The following FYN variants were observed in gnomAD, a reference collection of about 807,000 sequenced individuals.
FYN encodes the protein FYN proto-oncogene, Src family tyrosine kinase, also known as tyrosine-protein kinase Fyn.
FYN carries 10 observed loss-of-function variants against 70.2 expected under a neutral mutation model. That is an observed-to-expected ratio of 0.14 (90% CI 0.09 to 0.24). The LOEUF is 0.24. Ranked by LOEUF, FYN falls within the 10% of genes least tolerant of loss-of-function variation. The probability of loss-of-function intolerance (pLI) is 1.00; values close to 1 mark genes in which losing one functional copy is unlikely to be tolerated. For synonymous variants in FYN, 236 were observed against 248.6 expected (o/e 0.95, Z 0.48); for missense variants, 319 against 673.1 (o/e 0.47, Z 5.82).
intron 13 of FYN, among the ~76,000 whole-genome samples, chr6:111,673,619 A>ACTGTTTTTTTTTTTTTTTTTT (rs1301768351): frequency 6.2e-5 from 4 of 65,010 alleles, no homozygotes; most frequent in Admixed American, 2.1e-4. Flanking sequence ...CGTTTCTATC[A>ACTGTTTTTTTTTTTTTTTTTT]TTGTTTTTTT....
chr6:111,749,252 C>A lies in FYN; in HGVS notation c.-11-29190G>T, dbSNP rs141575519. ...TCAATATTCATAGCCCCAAATATTG[C>A]CTGCTGATCTCTCACATGTGACATG... On this transcript the variant is annotated intron_variant, in intron 3 of 13. Coordinates refer to ENST00000354650, the MANE Select transcript of FYN (RefSeq NM_002037.5). Among the ~76,000 whole-genome samples, 278 of 152,234 alleles carry A rather than the reference C, an allele frequency of 1.8e-3. 2 individuals are homozygous for A. Among genetic ancestry groups the A allele is most frequent in the African/African-American group, 6.3e-3 (262 of 41,540 alleles).
At chr6:111,770,868 CTGCCCA>C (rs1803423115) in intron 3 of FYN, among the ~76,000 whole-genome samples, 1 of 152,128 alleles carries the variant, frequency 6.6e-6, no homozygotes, top group African/African-American at 2.4e-5. Context: ...TGGCATCCAG[CTGCCCA>C]TGACCCAAAT....
intron 1 of FYN, among the ~76,000 whole-genome samples, chr6:111,861,007 G>A (rs1773947336): frequency 1.3e-5 from 2 of 152,092 alleles, no homozygotes; most frequent in South Asian, 4.1e-4. Context: ...AACATAAGGG[G>A]GAATCTAAAA....
At chr6:111,682,161 T>C (rs867015705) in intron 12 of FYN, among the ~76,000 whole-genome samples, 23 of 152,248 alleles carry the variant, frequency 1.5e-4, no homozygotes, top group Admixed American at 6.5e-5. Context: ...ACGGTCAAAG[T>C]AATTCTCTTC....
At chr6:111,872,717 C>T (rs897275089) in intron 1 of FYN, among the ~76,000 whole-genome samples, 1 of 151,952 alleles carries the variant, frequency 6.6e-6, no homozygotes, top group East Asian at 2.0e-4. Context: ...CCGGCGCCCG[C>T]TTGCGGGCGA....
intron 12 of FYN, among the ~76,000 whole-genome samples, chr6:111,685,716 T>C (rs1798976627): frequency 6.6e-6 from 1 of 152,240 alleles, no homozygotes; most frequent in African/African-American, 2.4e-5. Context: ...GGTGACCATC[T>C]GCTTCCTTCT....
At chr6:111,736,028 A>T (rs1801694067) in intron 3 of FYN, among the ~76,000 whole-genome samples, 1 of 152,200 alleles carries the variant, frequency 6.6e-6, no homozygotes, top group African/African-American at 2.4e-5. Flanking sequence ...GACAGGTAAC[A>T]CCACAGATAG....
At chr6:111,757,918 A>G (rs567841260) in intron 3 of FYN, among the ~76,000 whole-genome samples, 1 of 152,272 alleles carries the variant, frequency 6.6e-6, no homozygotes, top group South Asian at 2.1e-4. Flanking sequence ...GGCACATACG[A>G]TTTCTTTTTT....
chr6:111,676,306 C>A (rs1417426227), intron 12 of FYN: 1 of 152,192 alleles, frequency 6.6e-6, no homozygotes, highest in Non-Finnish European at 1.5e-5. Context: ...CATTATGAGG[C>A]ATCTCACATT....
chr6:111,841,379 G>C (rs1246308692), intron 2 of FYN, among the ~76,000 whole-genome samples: 4 of 152,218 alleles, frequency 2.6e-5, no homozygotes, highest in Non-Finnish European at 5.9e-5. Flanking sequence ...AAAAATACCA[G>C]TTAAATTACA....
intron 2 of FYN, among the ~76,000 whole-genome samples, chr6:111,836,753 T>C (rs942917318): frequency 2.6e-5 from 4 of 152,134 alleles, no homozygotes; most frequent in African/African-American, 4.8e-5. Flanking sequence ...CAAAGTGAGA[T>C]TGTGTCTCAA....
At chr6:111,817,087 T>G (rs1772512282) in intron 2 of FYN, among the ~76,000 whole-genome samples, 2 of 131,550 alleles carry the variant, frequency 1.5e-5, no homozygotes, top group African/African-American at 8.4e-5. Context: ...TAGAAAGGAG[T>G]GATTAAAATA....
At position 111,797,711 on chromosome 6, in the gene FYN, T is replaced by TAC. The variant is rs1335738031; in HGVS notation, c.-81-17078_-81-17077dup. ...ATATATATATATATATATATATATATACACACACACACACACATGACACAC... is the reference window on the plus strand; with the variant it reads ...ATATATATATATATATATATATATATACACACACACACACACACATGACACAC... On this transcript the variant is annotated intron_variant, in intron 2 of 13. Coordinates refer to ENST00000354650, the MANE Select transcript of FYN (RefSeq NM_002037.5). 8.2e-3 allele frequency among the ~76,000 whole-genome samples: 826 copies of TAC among 101,032 alleles called. 15 individuals are homozygous for TAC. Among genetic ancestry groups the TAC allele is most frequent in the Non-Finnish European group, 0.012 (555 of 44,500 alleles). 66.3% of individuals were successfully genotyped at this position (101,032 alleles called of 152,430 possible). A position where few individuals can be genotyped will look rare whatever the true frequency, so the allele number is the denominator to read the frequency against.
chr6:111,682,994 G>C (rs1798840383), intron 12 of FYN, among the ~76,000 whole-genome samples: 1 of 152,200 alleles, frequency 6.6e-6, no homozygotes, highest in Admixed American at 6.5e-5. Context: ...AACATCAGAA[G>C]AGGAAAAGAA....
At chr6:111,847,133 G>A (rs1773554716) in intron 1 of FYN, among the ~76,000 whole-genome samples, 1 of 152,172 alleles carries the variant, frequency 6.6e-6, no homozygotes, top group South Asian at 2.1e-4. Context: ...TTTGGGGATG[G>A]CCCCTGGTTC....
intron 1 of FYN, among the ~76,000 whole-genome samples, chr6:111,850,981 C>T (rs1773669689): frequency 6.6e-6 from 1 of 152,266 alleles, no homozygotes; most frequent in East Asian, 1.9e-4. Context: ...CTGTGTCTTG[C>T]TCCACACACA....
At chr6:111,802,898 C>G (rs1238714307) in intron 2 of FYN, among the ~76,000 whole-genome samples, 3 of 152,124 alleles carry the variant, frequency 2.0e-5, no homozygotes, top group Admixed American at 2.0e-4. Flanking sequence ...GAGTGGGTTT[C>G]TTAAATAAAC....
At chr6:111,665,423 G>A (rs942219484) in intron 13 of FYN, among the ~76,000 whole-genome samples, 7 of 151,786 alleles carry the variant, frequency 4.6e-5, no homozygotes, top group African/African-American at 1.7e-4. Flanking sequence ...TTCTTAGATG[G>A]TTTCATATTT....
chr6:111,661,660 A>C lies in FYN; in HGVS notation c.*79T>G. On this transcript the variant is annotated 3_prime_UTR_variant, in exon 14 of 14. Transcript: ENST00000354650. This position sits in a 1 kb window ranked among gnomAD's most constrained non-coding sequence, Gnocchi z 4.0. ...CTGGGCGGTTCCGCTGCTGGGGAGC[A>C]GCTGGCTACGGAATTGAAAGCTAAT... The C allele has an allele frequency of 7.3e-7, 1 of 1,363,228 alleles. No homozygotes were observed. Among genetic ancestry groups the C allele is most frequent in the Non-Finnish European group, 1.0e-6 (1 of 982,002 alleles). The allele number at this position is 1,363,228 out of a possible 1,614,324, so 84.4% of individuals were successfully genotyped here.
Sources: gnomAD v4.1 joint callset for allele counts (sites outside exome capture counted in the v4.1 genomes callset) on GRCh38, gnomAD v4.1.1 for gene constraint, Gnocchi (gnomAD v3.1) non-coding constraint, MANE v1.5 for transcripts, NCBI Gene and HGNC (gene_info 2026-07-23, HGNC 2026-07-21) for gene names.